Variants in ATP10D observed in about 807,000 individuals in gnomAD.
The protein encoded by ATP10D is ATPase phospholipid transporting 10D (putative), also known as phospholipid-transporting ATPase VD.
Under a neutral mutation model 144.8 loss-of-function variants are expected in ATP10D, and 89 were observed. That is an observed-to-expected ratio of 0.61 (90% confidence interval 0.52 to 0.73). The LOEUF (loss-of-function observed/expected upper bound fraction) is 0.73, where lower values mean the gene tolerates loss of function less well. ATP10D is among the 30% of genes least tolerant of loss of function. The probability of loss-of-function intolerance (pLI) is 0.00; values close to 1 mark genes in which losing one functional copy is unlikely to be tolerated. For missense variants in ATP10D, 1,603 were observed against 1,714.8 expected, an observed-to-expected ratio of 0.93 and a Z score of 1.15; for synonymous variants, 571 against 615.1, an observed-to-expected ratio of 0.93 and a Z score of 1.06.
chr4:47,548,738 A>G (rs534551647), intron 10 of ATP10D, among the ~76,000 whole-genome samples: 1 of 152,166 alleles, frequency 6.6e-6, no homozygotes, highest in Non-Finnish European at 1.5e-5. Flanking sequence ...CATACCCCTA[A>G]TATATAGAAT....
intron 4 of ATP10D, 80 bp downstream of exon 4, chr4:47,523,296 A>G: frequency 8.5e-7 from 1 of 1,171,162 alleles, no homozygotes; most frequent in Non-Finnish European, 1.3e-6. Flanking sequence ...CATTACAGAT[A>G]AAGAGATTTT....
intron 10 of ATP10D, among the ~76,000 whole-genome samples, chr4:47,549,993 TG>T (rs1718648333): frequency 7.2e-6 from 1 of 139,484 alleles, no homozygotes; most frequent in African/African-American, 2.7e-5. Context: ...TAGGAATCAG[TG>T]GGGAGGGGGT....
At chr4:47,494,056 A>G (rs1268106993) in intron 1 of ATP10D, among the ~76,000 whole-genome samples, 2 of 152,224 alleles carry the variant, frequency 1.3e-5, no homozygotes, top group Non-Finnish European at 2.9e-5. Flanking sequence ...AATTTAATAC[A>G]TGAAACTGAA....
At chr4:47,523,752 G>T (rs1426578843) in intron 4 of ATP10D, among the ~76,000 whole-genome samples, 1 of 152,170 alleles carries the variant, frequency 6.6e-6, no homozygotes, top group Admixed American at 6.5e-5. Flanking sequence ...AAATGAAAAT[G>T]ATGGTATCTA....
At chr4:47,588,573 A>G (rs1237630188) in intron 22 of ATP10D, among the ~76,000 whole-genome samples, 1 of 152,138 alleles carries the variant, frequency 6.6e-6, no homozygotes, top group Non-Finnish European at 1.5e-5. Context: ...CCAGCCCTTT[A>G]CAGAAAAGGT....
In ATP10D at chr4:47,577,373, C is replaced by T. The variant is rs138291287; in HGVS notation, c.3567+400C>T. On this transcript the variant is annotated intron_variant, in intron 19 of 22. Coordinates refer to ENST00000273859, the MANE Select transcript of ATP10D (RefSeq NM_020453.4). ...ACCTCAAAGGGGTTAAGTAATTTTTCAAGAAATCCCACCACTAAAAAGTGG... is the reference window on the plus strand; with the variant it reads ...ACCTCAAAGGGGTTAAGTAATTTTTTAAGAAATCCCACCACTAAAAAGTGG... 1.6e-4 allele frequency among the ~76,000 whole-genome samples: 25 copies of T among 152,244 alleles called. No homozygotes were observed. The East Asian group carries it at 4.6e-3, about 28-fold the overall frequency.
At chr4:47,563,155 G>A (rs149701064) in intron 14 of ATP10D, among the ~76,000 whole-genome samples, 14 of 152,186 alleles carry the variant, frequency 9.2e-5, no homozygotes, top group African/African-American at 3.1e-4. Flanking sequence ...TACACTGAGA[G>A]CCCAGATTTC....
chr4:47,504,158 C>T (rs1016038586), intron 1 of ATP10D, among the ~76,000 whole-genome samples: 24 of 152,176 alleles, frequency 1.6e-4, no homozygotes, highest in African/African-American at 5.6e-4. Context: ...CTTCATTATT[C>T]AAGATCCACA....
Position 47,588,727 on chromosome 4 carries a change from G to A in ATP10D, c.3941+1521G>A, listed in dbSNP as rs143339331. Among the ~76,000 whole-genome samples, 405 of 152,270 alleles carry A rather than the reference G, an allele frequency of 2.7e-3. 2 individuals carry two copies. The highest frequency in any genetic ancestry group is 3.3e-3 in the Non-Finnish European group (224 of 68,022). On this transcript the variant is annotated intron_variant, in intron 22 of 22. Coordinates refer to ENST00000273859, the MANE Select transcript of ATP10D (RefSeq NM_020453.4). ...ATATATAACAATATCACTGTGAAAC[G>A]AAGATACTTCTATAGTGCTCACTGC...
intron 1 of ATP10D, among the ~76,000 whole-genome samples, chr4:47,512,013 T>C (rs904174107): frequency 6.6e-6 from 1 of 152,254 alleles, no homozygotes; most frequent in Non-Finnish European, 1.5e-5. Flanking sequence ...TACCTCTTGA[T>C]TGGCAGAGAG....
chr4:47,521,114 A>G (rs889360711), intron 3 of ATP10D, among the ~76,000 whole-genome samples: 5 of 152,078 alleles, frequency 3.3e-5, no homozygotes, highest in African/African-American at 1.2e-4. Context: ...TCACCTTACT[A>G]TCACTTTGAA....
In ATP10D at chr4:47,557,947, G is replaced by C. The variant is rs201846331; in HGVS notation, c.2108G>C (p.Gly703Ala). 17 of 1,614,190 alleles carry C rather than the reference G, an allele frequency of 1.1e-5. No individual in the cohort carries two copies. The highest frequency in any genetic ancestry group is 4.4e-5 in the South Asian group (4 of 91,084). ...TETEKQHGDA[G>A]LLNGKAESLP... ...ACAGAGAAACAACACGGTGATGCAG[G>C]CCTCCTGAATGGCAAGGCAGAGTCC... The change falls in exon 12 of 23, where the codon GGC becomes GCC. Residue 703 changes from glycine (G) to alanine (A), a missense_variant. Gly to Ala is a moderately conservative substitution (Grantham distance 60). Transcript: ENST00000273859.
At chr4:47,538,485 T>G (rs1717959957) in intron 9 of ATP10D, among the ~76,000 whole-genome samples, 1 of 152,228 alleles carries the variant, frequency 6.6e-6, no homozygotes, top group Non-Finnish European at 1.5e-5. Context: ...CTTATTAGTT[T>G]TCTATCACTG....
intron 3 of ATP10D, among the ~76,000 whole-genome samples, chr4:47,521,409 C>T (rs73237078): frequency 0.13 from 19,664 of 152,126 alleles, 1,521 homozygotes; most frequent in South Asian, 0.24. Flanking sequence ...AACTTGTTTC[C>T]GGTACCTAAT....
intron 9 of ATP10D, among the ~76,000 whole-genome samples, chr4:47,543,787 T>C (rs1718277317): frequency 6.6e-6 from 1 of 151,980 alleles, no homozygotes. Context: ...TTCTACCTGA[T>C]GGCATTATTT....
Position 47,530,476 on chromosome 4 carries a change from C to T in ATP10D, c.776+4834C>T, listed in dbSNP as rs191927961. Among the ~76,000 whole-genome samples, 94 of 150,772 alleles carry T rather than the reference C, an allele frequency of 6.2e-4. 2 individuals carry two copies. Among genetic ancestry groups the T allele is most frequent in the Admixed American group, 5.2e-3 (79 of 15,142 alleles). Reference sequence around the variant, plus strand: ...TTTGTTTGTTTGTTTGTTTGTTTTTCGAGACAGTCTCACTCTATTTCCCAG... The same window carrying T: ...TTTGTTTGTTTGTTTGTTTGTTTTTTGAGACAGTCTCACTCTATTTCCCAG... On this transcript the variant is annotated intron_variant, in intron 5 of 22. Transcript: ENST00000273859.
chr4:47,590,698 T>A (rs1560462115), intron 22 of ATP10D, among the ~76,000 whole-genome samples: 1 of 152,114 alleles, frequency 6.6e-6, no homozygotes, highest in Non-Finnish European at 1.5e-5. Context: ...ACACCTACTA[T>A]GTGTCAACAC....
intron 22 of ATP10D, among the ~76,000 whole-genome samples, chr4:47,590,065 C>G (rs28455914): frequency 6.6e-6 from 1 of 151,706 alleles, no homozygotes; most frequent in African/African-American, 2.4e-5. Flanking sequence ...GATGAGGACT[C>G]GGAAGAAAAT....
intron 13 of ATP10D, among the ~76,000 whole-genome samples, chr4:47,559,664 T>C (rs1719188871): frequency 1.3e-5 from 2 of 152,242 alleles, no homozygotes; most frequent in South Asian, 4.1e-4. Context: ...TTAGGGAAAG[T>C]GGGATCTGTT....
Sources: allele counts gnomAD v4.1 joint callset (sites outside exome capture counted in the v4.1 genomes callset), GRCh38; gene constraint gnomAD v4.1.1; transcripts MANE v1.5; gene names NCBI Gene and HGNC (gene_info 2026-07-23, HGNC 2026-07-21).